Variants in PDE10A observed in about 807,000 individuals in gnomAD.
The protein encoded by PDE10A is cAMP and cAMP-inhibited cGMP 3',5'-cyclic phosphodiesterase 10A.
In PDE10A, 39 loss-of-function variants were observed where a neutral mutation model predicts 97.7. The ratio of observed to expected loss-of-function variants is 0.40; its 90% CI spans 0.31 to 0.52. PDE10A has a LOEUF of 0.52. PDE10A is among the 20% of genes least tolerant of loss of function. The pLI is 0.56. For missense variants in PDE10A, 731 were observed against 1,047.8 expected (o/e 0.70, Z 4.17); for synonymous variants, 371 against 376.8 (o/e 0.98, Z 0.18).
intron 1 of PDE10A, among the ~76,000 whole-genome samples, chr6:165,924,565 T>A (rs917141353): frequency 6.6e-6 from 1 of 152,132 alleles, no homozygotes; most frequent in Non-Finnish European, 1.5e-5. Context: ...GGACAGAAGA[T>A]CTCCCTCTGT....
In PDE10A at chr6:165,951,962, A is replaced by G. The variant is rs76202354; in HGVS notation, c.-615+35567T>C. Among the ~76,000 whole-genome samples the G allele has an allele frequency of 1.1e-4, 17 of 152,364 alleles. No individual in the cohort carries two copies. The East Asian group carries it at 3.3e-3, about 29-fold the overall frequency. ...TCTAGTTATTTATAATAAATAGTTGACATTCATCATGAATTTACTATGCCA... is the reference window on the plus strand; with the variant it reads ...TCTAGTTATTTATAATAAATAGTTGGCATTCATCATGAATTTACTATGCCA... On this transcript the variant is annotated intron_variant, in intron 1 of 19. Transcript: ENST00000366882.
At chr6:165,664,074 C>G (rs1316425337), upstream of PDE10A, among the ~76,000 whole-genome samples, 1 of 152,156 alleles carries the variant, frequency 6.6e-6, no homozygotes, top group Non-Finnish European at 1.5e-5. Flanking sequence ...CACGGTGGCA[C>G]GGGCTGTCCG....
chr6:165,532,489 TGC>T (rs1782842368), intron 2 of PDE10A, among the ~76,000 whole-genome samples: 1 of 151,970 alleles, frequency 6.6e-6, no homozygotes, highest in African/African-American at 2.4e-5. Context: ...GTACAATAAG[TGC>T]ATGTAGTTAG....
At chr6:165,354,254 CA>C (rs1164478588) in intron 18 of PDE10A, among the ~76,000 whole-genome samples, 2 of 152,022 alleles carry the variant, frequency 1.3e-5, no homozygotes, top group Non-Finnish European at 2.9e-5. Flanking sequence ...CGTAACTTAA[CA>C]GAGAAAAAAA....
upstream of PDE10A, among the ~76,000 whole-genome samples, chr6:165,665,323 C>A (rs578205089): frequency 1.2e-4 from 18 of 152,250 alleles, no homozygotes; most frequent in Admixed American, 3.9e-4. Flanking sequence ...CTGTCACTCA[C>A]CCGTGCTCAG....
intron 2 of PDE10A, among the ~76,000 whole-genome samples, chr6:165,520,892 C>G (rs1406524728): frequency 2.0e-5 from 3 of 152,062 alleles, no homozygotes; most frequent in Admixed American, 2.0e-4. Context: ...ACTGTAGAAG[C>G]CCCCTTCAGG....
At chr6:165,843,960 C>A (rs559177144) in intron 1 of PDE10A, among the ~76,000 whole-genome samples, 1 of 152,212 alleles carries the variant, frequency 6.6e-6, no homozygotes, top group South Asian at 2.1e-4. Context: ...CAGCTCTGAC[C>A]CCACCTTAGC....
intron 18 of PDE10A, among the ~76,000 whole-genome samples, chr6:165,346,374 G>A (rs772572975): frequency 6.6e-6 from 1 of 152,072 alleles, no homozygotes; most frequent in Non-Finnish European, 1.5e-5. Flanking sequence ...ACCCATAAGA[G>A]TTATAAAGAC....
chr6:165,797,444 T>C (rs770923708), intron 1 of PDE10A, among the ~76,000 whole-genome samples: 2 of 152,236 alleles, frequency 1.3e-5, no homozygotes, highest in African/African-American at 2.4e-5. Flanking sequence ...TCCCTTATTA[T>C]CCAAGGTAAA....
At position 165,415,520 on chromosome 6, in the gene PDE10A, A is replaced by C. The variant is rs141193964; in HGVS notation, c.1889+669T>G. ...TAATTGGGTTTGCAACTCTCCAAAG[A>C]AAGTCAAAACAAAACAAAAAATCTT... On this transcript the variant is annotated intron_variant, in intron 12 of 21. Coordinates refer to ENST00000539869, the MANE Select transcript of PDE10A (RefSeq NM_001385079.1). Among the ~76,000 whole-genome samples, 298 of 152,360 alleles carry C rather than the reference A, an allele frequency of 2.0e-3. 1 individual carries two copies. Among genetic ancestry groups the C allele is most frequent in the Non-Finnish European group, 3.6e-3 (248 of 68,030 alleles).
intron 1 of PDE10A, among the ~76,000 whole-genome samples, chr6:165,860,191 C>T (rs953583993): frequency 2.0e-5 from 3 of 152,122 alleles, no homozygotes; most frequent in African/African-American, 4.8e-5. Flanking sequence ...CAGTGGCTCA[C>T]GCCTGTAATC....
intron 1 of PDE10A, among the ~76,000 whole-genome samples, chr6:165,838,215 A>G (rs907251940): frequency 2.6e-5 from 4 of 152,162 alleles, no homozygotes; most frequent in African/African-American, 7.2e-5. Flanking sequence ...AAATCATACC[A>G]TCCCATTCAC....
intron 2 of PDE10A, among the ~76,000 whole-genome samples, chr6:165,497,451 T>G (rs1046192266): frequency 2.6e-5 from 4 of 152,208 alleles, no homozygotes; most frequent in African/African-American, 9.7e-5. Flanking sequence ...TATGAATATA[T>G]ATACTAGTAT....
At chr6:165,421,939 G>T (rs762258818) in intron 10 of PDE10A, among the ~76,000 whole-genome samples, 2 of 152,140 alleles carry the variant, frequency 1.3e-5, no homozygotes, top group South Asian at 2.1e-4. Context: ...GCATGCGTCT[G>T]TTGTCCCAGC....
chr6:165,978,846 A>G lies in PDE10A; in HGVS notation c.-615+8683T>C, dbSNP rs1000884245. Among the ~76,000 whole-genome samples the G allele has an allele frequency of 5.9e-5, 9 of 152,250 alleles. No homozygotes were observed. The East Asian group carries it at 7.7e-4, about 13-fold the overall frequency. ...GGAATATCTTGCCCTTAGAAAATAA[A>G]TCTAAAGTATTTAGATTATCAAAAT... is the stretch of plus-strand genomic sequence containing the variant. On this transcript the variant is annotated intron_variant, in intron 1 of 19. Transcript: ENST00000366882.
At chr6:165,844,778 T>C (rs1015416759) in intron 1 of PDE10A, among the ~76,000 whole-genome samples, 1 of 152,232 alleles carries the variant, frequency 6.6e-6, no homozygotes, top group Non-Finnish European at 1.5e-5. Context: ...AACAGCATGA[T>C]AATACCAGCA....
chr6:165,490,665 G>A (rs532937746), intron 2 of PDE10A, among the ~76,000 whole-genome samples: 9 of 152,288 alleles, frequency 5.9e-5, no homozygotes, highest in East Asian at 3.9e-4. Context: ...TGGCAGAATA[G>A]GTAAGAATTC....
chr6:165,374,808 T>C (rs778075935), intron 18 of PDE10A, among the ~76,000 whole-genome samples: 2 of 150,846 alleles, frequency 1.3e-5, no homozygotes, highest in Non-Finnish European at 2.9e-5. Context: ...GGTACAGCAA[T>C]ATCGGCAGCA....
intron 1 of PDE10A, among the ~76,000 whole-genome samples, chr6:165,811,022 G>A (rs1449368792): frequency 6.6e-6 from 1 of 152,126 alleles, no homozygotes; most frequent in African/African-American, 2.4e-5. Flanking sequence ...TTAGGAGTTC[G>A]AGACCAGCCT....
Sources: allele counts gnomAD v4.1 joint callset (sites outside exome capture counted in the v4.1 genomes callset), GRCh38; gene constraint gnomAD v4.1.1; transcripts MANE v1.5; gene names NCBI Gene and HGNC (gene_info 2026-07-23, HGNC 2026-07-21).